DENND4C: variants seen among roughly 807,000 people sequenced by gnomAD.
DENND4C encodes the protein DENN domain-containing protein 4C.
DENND4C carries 108 observed loss-of-function variants against 203.0 expected under a neutral mutation model. The ratio of observed to expected loss-of-function variants is 0.53; its 90% confidence interval spans 0.46 to 0.62. The LOEUF is 0.62. DENND4C is among the 20% of genes least tolerant of loss of function. The pLI is 0.00. For synonymous variants in DENND4C, 871 were observed against 792.4 expected (o/e 1.10, Z -1.67); for missense variants, 2,481 against 2,301.2 (o/e 1.08, Z -1.60).
At chr9:19,284,113 C>G (rs1834726820) in intron 2 of DENND4C, among the ~76,000 whole-genome samples, 1 of 152,160 alleles carries the variant, frequency 6.6e-6, no homozygotes, top group Non-Finnish European at 1.5e-5. Context: ...TTGTCACCTA[C>G]AAATTGACAT....
chr9:19,311,729 T>G (rs1214669624), intron 10 of DENND4C, among the ~76,000 whole-genome samples: 1 of 152,014 alleles, frequency 6.6e-6, no homozygotes, highest in Non-Finnish European at 1.5e-5. Flanking sequence ...TTTTCACTTT[T>G]CAGATTGGCC....
chr9:19,371,431 T>C (rs1563851658), intron 31 of DENND4C: 2 of 173,280 alleles, frequency 1.2e-5, no homozygotes, highest in Non-Finnish European at 2.4e-5. Context: ...AACAGTTATG[T>C]ATTGTTGAAA....
rs1225513225 is a variant in DENND4C at position 19,316,973 on chromosome 9, G to A, written c.1807+134G>A. 1.7e-5 allele frequency: 14 copies of A among 801,968 alleles called. No individual in the cohort carries two copies. In the East Asian group the frequency reaches 3.8e-4, roughly 22 times the overall value. The allele number at this position is 801,968 out of a possible 1,614,324, so 49.7% of individuals were successfully genotyped here. A position where few individuals can be genotyped will look rare whatever the true frequency, so the allele number is the denominator to read the frequency against. On this transcript the variant is annotated intron_variant, in intron 12 of 32. Coordinates refer to ENST00000434457, the MANE Select transcript of DENND4C (RefSeq NM_001330640.2). ...AAATATAATGAACCTCCATGTATTT[G>A]TAACCTAGCTTTATGACTAGAATTT...
At chr9:19,314,668 C>G (rs1841429668) in intron 10 of DENND4C, among the ~76,000 whole-genome samples, 1 of 152,024 alleles carries the variant, frequency 6.6e-6, no homozygotes, top group Non-Finnish European at 1.5e-5. Flanking sequence ...TGCATGTGAA[C>G]TGCACTGAGT....
chr9:19,282,363 A>G (rs1380809277), intron 2 of DENND4C, among the ~76,000 whole-genome samples: 1 of 150,362 alleles, frequency 6.7e-6, no homozygotes, highest in African/African-American at 2.4e-5. Flanking sequence ...TCAGGCGATA[A>G]TCCTTTCACC....
Position 19,274,129 on chromosome 9 carries a change from T to G in DENND4C, c.-17-2029T>G, listed in dbSNP as rs1303696097. 2.0e-5 allele frequency among the ~76,000 whole-genome samples: 3 copies of G among 151,916 alleles called. No individual in the cohort carries two copies. The East Asian group carries it at 5.8e-4, about 29-fold the overall frequency. On this transcript the variant is annotated intron_variant, in intron 1 of 32. Transcript: ENST00000434457. ...CAACATGGATTTATCACAAAATAAT[T>G]ATGATGAGTAAAGAAGCCAGAGAAA...
intron 1 of DENND4C, 82 bp downstream of exon 1, chr9:19,230,915 G>A (rs1820355452): frequency 6.6e-6 from 1 of 152,364 alleles, no homozygotes; most frequent in African/African-American, 2.4e-5. Context: ...CTGGGAGGGC[G>A]CGGGACAGGT....
chr9:19,357,203 C>A, intron 27 of DENND4C, 49 bp downstream of exon 27: 2 of 1,593,944 alleles, frequency 1.3e-6, no homozygotes, highest in East Asian at 2.3e-5. Context: ...ATGGGGTACC[C>A]TTGTAAAAAT....
chr9:19,262,983 G>A (rs772864157), intron 1 of DENND4C, among the ~76,000 whole-genome samples: 171 of 152,310 alleles, frequency 1.1e-3, no homozygotes, highest in Non-Finnish European at 2.0e-3. Flanking sequence ...TTGAATAACA[G>A]TATTGAAAGT....
At chr9:19,287,082 AT>A in intron 3 of DENND4C, 61 bp downstream of exon 3, 1 of 1,218,622 alleles carries the variant, frequency 8.2e-7, no homozygotes, top group Non-Finnish European at 1.0e-6. Flanking sequence ...TACGTTTTGG[AT>A]TCCTGTTTAC....
intron 30 of DENND4C, among the ~76,000 whole-genome samples, chr9:19,363,962 C>T (rs769230500): frequency 7.9e-5 from 12 of 151,852 alleles, no homozygotes; most frequent in Admixed American, 2.6e-4. Context: ...TGCAATGAGC[C>T]GAGATTGCGC....
At chr9:19,235,617 T>TTA (rs1450723972) in intron 1 of DENND4C, among the ~76,000 whole-genome samples, 1 of 147,282 alleles carries the variant, frequency 6.8e-6, no homozygotes, top group Non-Finnish European at 1.5e-5. Flanking sequence ...ATCTTTTTTT[T>TTA]TTTTTTTTTT....
chr9:19,259,587 C>T (rs927235315), intron 1 of DENND4C, among the ~76,000 whole-genome samples: 8 of 151,236 alleles, frequency 5.3e-5, no homozygotes, highest in Admixed American at 2.6e-4. Context: ...TCACTGCAGC[C>T]TCCGCCTCCC....
intron 10 of DENND4C, 96 bp from the exon 11 acceptor site, chr9:19,316,321 T>C (rs1189915325): frequency 4.4e-6 from 4 of 909,508 alleles, no homozygotes; most frequent in Non-Finnish European, 5.1e-6. Context: ...TAAAAACATC[T>C]TTTCCATTTT....
intron 20 of DENND4C, among the ~76,000 whole-genome samples, chr9:19,339,499 C>T (rs1026347295): frequency 2.0e-5 from 3 of 152,114 alleles, no homozygotes; most frequent in Admixed American, 6.6e-5. Flanking sequence ...GGGTGTGCTA[C>T]GTAAATGATG....
At position 19,350,844 on chromosome 9, in the gene DENND4C, G is replaced by A. The variant is rs956149288; in HGVS notation, c.4460G>A (p.Ser1487Asn). ...QSNTSLGSSS[S>N]SGDVGKLHYP... ...AACACAAGTCTTGGCAGTAGCAGCAGTAGTGGAGATGTAGGAAAACTGCAT... is the reference window on the plus strand; with the variant it reads ...AACACAAGTCTTGGCAGTAGCAGCAATAGTGGAGATGTAGGAAAACTGCAT... Residue 1487 changes from serine (S) to asparagine (N), a missense_variant, in exon 24 of 33, where the codon AGT (serine) becomes AAT (asparagine). Coordinates refer to ENST00000434457, the MANE Select transcript of DENND4C (RefSeq NM_001330640.2). 1 of 1,613,936 alleles carries A rather than the reference G, an allele frequency of 6.2e-7. No homozygotes were observed. The highest frequency in any genetic ancestry group is 1.3e-5 in the African/African-American group (1 of 74,928).
chr9:19,342,498 T>C (rs1022498920), intron 21 of DENND4C, 135 bp from the exon 22 acceptor site: 3 of 861,756 alleles, frequency 3.5e-6, no homozygotes, highest in Non-Finnish European at 5.0e-6. Context: ...CACAGTCTAT[T>C]TTACTTTGTG....
At chr9:19,281,684 T>C (rs1834071115) in intron 2 of DENND4C, among the ~76,000 whole-genome samples, 1 of 152,222 alleles carries the variant, frequency 6.6e-6, no homozygotes, top group African/African-American at 2.4e-5. Context: ...CACTTAACGA[T>C]GGGAATACAT....
intron 30 of DENND4C, among the ~76,000 whole-genome samples, chr9:19,366,340 G>T (rs1050402044): frequency 6.6e-6 from 1 of 152,184 alleles, no homozygotes; most frequent in East Asian, 1.9e-4. Context: ...AGTGGCTCAC[G>T]CCTGTAATCC....
Sources: allele counts gnomAD v4.1 joint callset (sites outside exome capture counted in the v4.1 genomes callset), GRCh38; gene constraint gnomAD v4.1.1; transcripts MANE v1.5; gene names NCBI Gene and HGNC (gene_info 2026-07-23, HGNC 2026-07-21).